CAMK1: variants seen among roughly 807,000 people sequenced by gnomAD.
CAMK1 encodes the protein calcium/calmodulin dependent protein kinase I, also known as calcium/calmodulin-dependent protein kinase type 1.
CAMK1 carries 39 observed loss-of-function variants against 49.1 expected under a neutral mutation model. The ratio of observed to expected loss-of-function variants is 0.79; its 90% CI spans 0.62 to 1.04. The LOEUF (loss-of-function observed/expected upper bound fraction) is 1.04, where lower values mean the gene tolerates loss of function less well. Among genes scored for constraint, CAMK1 ranks in the 50% least tolerant of loss-of-function variants. CAMK1 has a pLI of 0.00. For missense variants in CAMK1, 457 were observed against 472.2 expected (o/e 0.97, Z 0.30); for synonymous variants, 192 against 185.2 (o/e 1.04, Z -0.30).
rs765251028 is a variant in CAMK1, at chr3:9,763,046, C to T, written c.297G>A (p.Ser99=). Residue 99 remains serine, a synonymous_variant, in exon 5 of 12, where the codon TCG becomes TCA. Coordinates refer to ENST00000256460, the MANE Select transcript of CAMK1 (RefSeq NM_003656.5). ...GHLYLIMQLV[S]GGELFDRIVE... is the part of the protein sequence containing the mutation. ...CAATACGGTCAAAGAGCTCCCCACC[C>T]GACACCCTGCAGCAGGGGATAGGGC... The T allele has an allele frequency of 1.1e-5, 17 of 1,614,066 alleles. 1 individual carries two copies. The highest frequency in any genetic ancestry group is 8.0e-5 in the African/African-American group (6 of 75,014).
intron 8 of CAMK1, chr3:9,760,242 C>T (rs78826916): frequency 6.2e-6 from 1 of 161,340 alleles, no homozygotes; most frequent in Admixed American, 6.4e-5. Context: ...GACTGCGTCT[C>T]AAAAAAGAAA....
rs188481420 is a variant in CAMK1, at chr3:9,760,596, A to T, written c.745+60T>A. ...GAAGGCAGGAGGGAGACCGCCCCCA[A>T]AGCAGGTGAGGGAGGAACCAGAGGC... On this transcript the variant is annotated intron_variant, in intron 8 of 11. Coordinates refer to ENST00000256460, the MANE Select transcript of CAMK1 (RefSeq NM_003656.5). 19 of 1,563,332 alleles carry T rather than the reference A, an allele frequency of 1.2e-5. No homozygotes were observed. In the African/African-American group the frequency reaches 1.4e-4, roughly 11 times the overall value.
intron 2 of CAMK1, among the ~76,000 whole-genome samples, chr3:9,767,255 G>A (rs1309034421): frequency 6.6e-6 from 1 of 152,096 alleles, no homozygotes; most frequent in Non-Finnish European, 1.5e-5. Flanking sequence ...CACACACCCT[G>A]TTGTCATTTT....
At position 9,757,512 on chromosome 3, in the gene CAMK1, G is replaced by A; in HGVS notation, c.*27C>T. ...GGCTGCCCCCAAGCCCTCCCACGCA[G>A]AGGATCATGACCCGAGGTCCAGGGC... is the stretch of plus-strand genomic sequence containing the variant. On this transcript the variant is annotated 3_prime_UTR_variant, in exon 12 of 12. Coordinates refer to ENST00000256460, the MANE Select transcript of CAMK1 (RefSeq NM_003656.5). This position sits in a 1 kb window ranked among gnomAD's most constrained non-coding sequence, Gnocchi z 4.5. 6.2e-7 allele frequency: 1 copy of A among 1,607,932 alleles called. No homozygotes were observed. Among genetic ancestry groups the A allele is most frequent in the Non-Finnish European group, 8.5e-7 (1 of 1,175,386 alleles).
Position 9,757,554 on chromosome 3 carries a change from C to T in CAMK1, c.1098G>A (p.Leu366=). The T allele has an allele frequency of 6.2e-7, 1 of 1,613,668 alleles. No homozygotes were observed. The highest frequency in any genetic ancestry group is 8.5e-7 in the Non-Finnish European group (1 of 1,179,700). Residue 366 remains leucine (L), a synonymous_variant, in exon 12 of 12, where the codon CTG becomes CTA. Coordinates refer to ENST00000256460, the MANE Select transcript of CAMK1 (RefSeq NM_003656.5). This position sits in a 1 kb window ranked among gnomAD's most constrained non-coding sequence, Gnocchi z 4.5. Reference sequence around the variant, plus strand: ...GTCCAGGGCCCTAGAGCTGGTGGGGCAGTGTGGGGGACAGTTCTGTGCCCG... The same window carrying T: ...GTCCAGGGCCCTAGAGCTGGTGGGGTAGTGTGGGGGACAGTTCTGTGCCCG... The part of the protein sequence containing the change: ...VEPGTELSPT[L]PHQL
intron 7 of CAMK1, chr3:9,761,138 A>G (rs1018525783): frequency 9.0e-6 from 3 of 335,150 alleles, no homozygotes; most frequent in African/African-American, 4.2e-5. Context: ...TTTTCTCCAC[A>G]GTATTTATTT....
Position 9,761,647 on chromosome 3 carries a change from TC to T in CAMK1, c.539del (p.Gly180GlufsTer25), listed in dbSNP as rs2077879345. 6.2e-7 allele frequency: 1 copy of T among 1,614,082 alleles called. No individual in the cohort carries two copies. The highest frequency in any genetic ancestry group is 8.5e-7 in the Non-Finnish European group (1 of 1,180,002). ...DPGSVLSTAC[G>X]TPGYVAPEVL... ...CCTCCGCACCCACGTATCCCGGAGT[TC>T]CACAGGCGGTGGAGAGCACACTGCC... On this transcript the variant is annotated frameshift_variant, in exon 6 of 12. Transcript: ENST00000256460. LOFTEE classifies it high-confidence loss of function.
rs200541056 is a variant in CAMK1, at chr3:9,763,244, G to C, written c.216-31C>G. Reference sequence around the variant, plus strand: ...AGGAGAAATGAGGTGGTTTAGCCAGGCATGGCGGTGTGCACCTGTAGTCCA... The same window carrying C: ...AGGAGAAATGAGGTGGTTTAGCCAGCCATGGCGGTGTGCACCTGTAGTCCA... On this transcript the variant is annotated intron_variant, in intron 3 of 11. Coordinates refer to ENST00000256460, the MANE Select transcript of CAMK1 (RefSeq NM_003656.5). 644 of 1,613,308 alleles carry C rather than the reference G, an allele frequency of 4.0e-4. 2 individuals carry two copies. In the African/African-American group the frequency reaches 7.4e-3, roughly 19 times the overall value.
intron 8 of CAMK1, 173 bp from the exon 9 acceptor site, chr3:9,759,923 C>T: frequency 1.1e-6 from 1 of 948,158 alleles, no homozygotes; most frequent in Non-Finnish European, 1.6e-6. Context: ...CACCCCGTGC[C>T]TTCCAGCTCT....
At chr3:9,764,621 TTTTTTTG>T (rs1405509918) in intron 3 of CAMK1, among the ~76,000 whole-genome samples, 19 of 123,020 alleles carry the variant, frequency 1.5e-4, no homozygotes, top group African/African-American at 2.5e-4. Context: ...GTTTTTGTTT[TTTTTTTG>T]TTTTTTTTTT....
At chr3:9,758,168 A>C in intron 10 of CAMK1, 1 of 198,686 alleles carries the variant, frequency 5.0e-6, no homozygotes, top group Non-Finnish European at 1.0e-5. Context: ...AATTCATTTA[A>C]TCTTCATGAA....
chr3:9,763,120 C>T lies in CAMK1; in HGVS notation c.290+19G>A. The T allele has an allele frequency of 6.2e-7, 1 of 1,614,110 alleles. No individual in the cohort carries two copies. The highest frequency in any genetic ancestry group is 8.5e-7 in the Non-Finnish European group (1 of 1,180,010). The stretch of plus-strand genomic sequence containing the variant: ...AGCTGGGAGAGGTGTGGGGGCAGGG[C>T]AGAGGTTGGGCCACTCACAGCTGCA... On this transcript the variant is annotated intron_variant, in intron 4 of 11. Transcript: ENST00000256460.
At chr3:9,761,822 C>A in intron 5 of CAMK1, 65 bp from the exon 6 acceptor site, 2 of 1,586,194 alleles carry the variant, frequency 1.3e-6, no homozygotes, top group Non-Finnish European at 1.7e-6. Context: ...GAACCTTCTG[C>A]CGCTCCAAGC....
chr3:9,759,175 CTTA>C (rs2077727656), intron 10 of CAMK1: 1 of 1,603,652 alleles, frequency 6.2e-7, no homozygotes, highest in Admixed American at 1.7e-5. Context: ...CTAATTCCTA[CTTA>C]ACTGACAGCT....
chr3:9,768,462 G>A (rs2078217261), intron 1 of CAMK1, among the ~76,000 whole-genome samples: 1 of 152,202 alleles, frequency 6.6e-6, no homozygotes, highest in Non-Finnish European at 1.5e-5. Flanking sequence ...TTCCTCTGCT[G>A]AGGTCTGTCT....
At position 9,757,472 on chromosome 3, in the gene CAMK1, G is replaced by C. The variant is rs868547975; in HGVS notation, c.*67C>G. 3 of 1,602,964 alleles carry C rather than the reference G, an allele frequency of 1.9e-6. No individual in the cohort carries two copies. The highest frequency in any genetic ancestry group is 2.7e-5 in the African/African-American group (2 of 74,866). Reference sequence around the variant, plus strand: ...AGGGCAGAGAAACTCCCGGTTCAGGGAGGGAAGGGGAGCAGGCTGCCCCCA... The same window carrying C: ...AGGGCAGAGAAACTCCCGGTTCAGGCAGGGAAGGGGAGCAGGCTGCCCCCA... On this transcript the variant is annotated 3_prime_UTR_variant, in exon 12 of 12. Coordinates refer to ENST00000256460, the MANE Select transcript of CAMK1 (RefSeq NM_003656.5). This position sits in a 1 kb window ranked among gnomAD's most constrained non-coding sequence, Gnocchi z 4.5.
Position 9,759,729 on chromosome 3 carries a change from A to G in CAMK1, c.767T>C (p.Leu256Ser). 3.7e-6 allele frequency: 6 copies of G among 1,614,164 alleles called. No homozygotes were observed. Among genetic ancestry groups the G allele is most frequent in the Non-Finnish European group, 5.1e-6 (6 of 1,180,016 alleles). Residue 256 changes from leucine (L) to serine (S), a missense_variant, in exon 9 of 12, where the codon TTG becomes TCG. By Grantham distance (145) the Leu-to-Ser change is moderately radical. Coordinates refer to ENST00000256460, the MANE Select transcript of CAMK1 (RefSeq NM_003656.5). ...TCTTTTCTCTGGGTCCTTCTCCATC[A>G]AGTGCCGGATGAAATCTTTGGCTAA... ...SDSAKDFIRH[L>S]MEKDPEKRFT...
chr3:9,760,495 A>G (rs897382749), intron 8 of CAMK1, 161 bp downstream of exon 8: 11 of 639,432 alleles, frequency 1.7e-5, no homozygotes, highest in East Asian at 2.8e-5. Flanking sequence ...GGAAGTACCC[A>G]AGCAGAAGGA....
chr3:9,757,938 T>C lies in CAMK1; in HGVS notation c.913-92A>G. ...GGGCGCAGTGGGATTCTTGCAATTG[T>C]TCTGTTATTTTCATTCAGGAGTTAT... On this transcript the variant is annotated intron_variant, in intron 10 of 11. Transcript: ENST00000256460. This position sits in a 1 kb window ranked among gnomAD's most constrained non-coding sequence, Gnocchi z 4.5. 1 of 1,508,742 alleles carries C rather than the reference T, an allele frequency of 6.6e-7. No homozygotes were observed. The allele number at this position is 1,508,742 out of a possible 1,614,324, so 93.5% of individuals were successfully genotyped here.
Sources: allele counts gnomAD v4.1 joint callset (sites outside exome capture counted in the v4.1 genomes callset), GRCh38; gene constraint gnomAD v4.1.1; non-coding constraint Gnocchi (gnomAD v3.1); transcripts MANE v1.5; gene names NCBI Gene and HGNC (gene_info 2026-07-23, HGNC 2026-07-21).